ENPP3: variants seen among roughly 807,000 people sequenced by gnomAD.
ENPP3 encodes ectonucleotide pyrophosphatase/phosphodiesterase 3.
In ENPP3, 104 loss-of-function variants were observed where a neutral mutation model predicts 117.8. The observed-to-expected ratio is 0.88, with a 90% CI of 0.75 to 1.04. The LOEUF is 1.04. Among genes scored for constraint, ENPP3 ranks in the 50% least tolerant of loss-of-function variants. ENPP3 has a pLI of 0.00. For synonymous variants in ENPP3, 380 were observed against 349.9 expected (o/e 1.09, Z -0.96); for missense variants, 1,026 against 1,051.9 (o/e 0.98, Z 0.34).
intron 6 of ENPP3, among the ~76,000 whole-genome samples, chr6:131,660,731 T>G (rs1384595000): frequency 6.6e-6 from 1 of 152,228 alleles, no homozygotes; most frequent in African/African-American, 2.4e-5. Flanking sequence ...TTAAATTTTG[T>G]TAAGAATGCA....
At chr6:131,679,067 T>C (rs189634786) in intron 11 of ENPP3, among the ~76,000 whole-genome samples, 1 of 135,494 alleles carries the variant, frequency 7.4e-6, no homozygotes, top group Admixed American at 7.8e-5. Flanking sequence ...CTTTCTTTCT[T>C]TCTTTCTTTC....
At position 131,637,923 on chromosome 6, in the gene ENPP3, C is replaced by G. The variant is rs961601674; in HGVS notation, c.78+461C>G. Among the ~76,000 whole-genome samples the G allele has an allele frequency of 1.3e-5, 2 of 151,462 alleles. 1 individual carries two copies. Among genetic ancestry groups the G allele is most frequent in the Admixed American group, 1.3e-4 (2 of 15,174 alleles). The stretch of plus-strand genomic sequence containing the variant: ...TTTCATGTGGTAAGATCTGCCACCC[C>G]CCCTCACCCCCCAAATAAATTTTCC... On this transcript the variant is annotated intron_variant, in intron 1 of 24. Coordinates refer to ENST00000357639, the MANE Select transcript of ENPP3 (RefSeq NM_005021.5).
At chr6:131,731,773 A>G (rs958523067) in intron 20 of ENPP3, among the ~76,000 whole-genome samples, 2 of 152,212 alleles carry the variant, frequency 1.3e-5, no homozygotes, top group African/African-American at 4.8e-5. Context: ...GGTCTACTAA[A>G]TCACGTTATT....
chr6:131,685,640 A>G (rs1397850296), intron 13 of ENPP3, 145 bp downstream of exon 13: 15 of 771,810 alleles, frequency 1.9e-5, no homozygotes, highest in Admixed American at 1.3e-4. Flanking sequence ...GGAAATTCCC[A>G]TGCTTAAGTA....
intron 11 of ENPP3, among the ~76,000 whole-genome samples, chr6:131,681,543 A>T (rs9388913): frequency 1.3e-5 from 2 of 152,320 alleles, no homozygotes; most frequent in East Asian, 3.9e-4. Flanking sequence ...ACATCAGTGA[A>T]ATTTACTTAA....
At chr6:131,729,538 G>T (rs762674710) in intron 20 of ENPP3, among the ~76,000 whole-genome samples, 9 of 152,144 alleles carry the variant, frequency 5.9e-5, no homozygotes, top group Non-Finnish European at 1.3e-4. Context: ...TATTTTATCT[G>T]AGTGTCTGAA....
At chr6:131,638,542 C>T (rs1308359894) in intron 1 of ENPP3, 2 of 422,012 alleles carry the variant, frequency 4.7e-6, no homozygotes, top group Non-Finnish European at 9.2e-6. Flanking sequence ...TAGCTTGGAC[C>T]ACAGGCACAT....
chr6:131,683,934 G>A (rs1779089948), intron 12 of ENPP3, among the ~76,000 whole-genome samples: 1 of 151,942 alleles, frequency 6.6e-6, no homozygotes, highest in Non-Finnish European at 1.5e-5. Context: ...TGTATTTTTA[G>A]TAGCGATGGG....
intron 5 of ENPP3, among the ~76,000 whole-genome samples, chr6:131,655,298 T>C (rs182612965): frequency 4.4e-4 from 67 of 152,370 alleles, no homozygotes; most frequent in African/African-American, 1.5e-3. Context: ...ATTTGTACTT[T>C]ACACAATAGT....
At chr6:131,681,887 T>G (rs1779030189) in intron 11 of ENPP3, among the ~76,000 whole-genome samples, 1 of 152,180 alleles carries the variant, frequency 6.6e-6, no homozygotes, top group Non-Finnish European at 1.5e-5. Flanking sequence ...TCACCCAGAC[T>G]GGAGTGAAGT....
At chr6:131,688,780 G>A (rs976051533) in intron 14 of ENPP3, among the ~76,000 whole-genome samples, 6 of 152,028 alleles carry the variant, frequency 3.9e-5, no homozygotes, top group South Asian at 4.2e-4. Context: ...GGCCAGGTGC[G>A]GTGGCTGACG....
intron 2 of ENPP3, among the ~76,000 whole-genome samples, chr6:131,646,972 CTTTT>C (rs747724228): frequency 7.8e-6 from 1 of 127,630 alleles, no homozygotes. Context: ...CAACCAGCTA[CTTTT>C]TTTTTTTTTT....
intron 21 of ENPP3, among the ~76,000 whole-genome samples, chr6:131,734,779 G>C (rs1182005582): frequency 6.6e-6 from 1 of 151,688 alleles, no homozygotes; most frequent in African/African-American, 2.4e-5. Context: ...GTGCGCACCT[G>C]TAATACCAGC....
At chr6:131,638,796 C>T (rs1242949041) in intron 1 of ENPP3, among the ~76,000 whole-genome samples, 1 of 151,076 alleles carries the variant, frequency 6.6e-6, no homozygotes, top group Non-Finnish European at 1.5e-5. Context: ...CTCTGTCACA[C>T]AATTTCTTTT....
At chr6:131,698,048 G>A (rs947295024) in intron 15 of ENPP3, among the ~76,000 whole-genome samples, 3 of 152,128 alleles carry the variant, frequency 2.0e-5, no homozygotes, top group Non-Finnish European at 4.4e-5. Context: ...GTTCTCATTA[G>A]AACATAGATT....
At position 131,650,009 on chromosome 6, in the gene ENPP3, A is replaced by G. The variant is rs1562427194; in HGVS notation, c.155-18A>G. 3 of 1,613,280 alleles carry G rather than the reference A, an allele frequency of 1.9e-6. No individual in the cohort carries two copies. Among genetic ancestry groups the G allele is most frequent in the Non-Finnish European group, 2.5e-6 (3 of 1,179,672 alleles). On this transcript the variant is annotated intron_variant, in intron 2 of 24. Coordinates refer to ENST00000357639, the MANE Select transcript of ENPP3 (RefSeq NM_005021.5). ...AATAGCTCCTAAATGTTCGGGCCCT[A>G]TTTCCTTTACTTTGTAGGCAGCTGC...
chr6:131,707,010 T>C (rs1472391102), intron 15 of ENPP3, among the ~76,000 whole-genome samples: 1 of 151,700 alleles, frequency 6.6e-6, no homozygotes, highest in Admixed American at 6.6e-5. Flanking sequence ...TGTGTAGAAT[T>C]GGTGTTAACT....
intron 18 of ENPP3, among the ~76,000 whole-genome samples, chr6:131,723,719 C>A (rs185559964): frequency 7.9e-4 from 120 of 152,162 alleles, no homozygotes; most frequent in South Asian, 7.3e-3. Flanking sequence ...TTAAGGAGCA[C>A]TGGGATGTTG....
intron 6 of ENPP3, among the ~76,000 whole-genome samples, chr6:131,665,623 T>C (rs1442648308): frequency 6.6e-6 from 1 of 152,126 alleles, no homozygotes; most frequent in Non-Finnish European, 1.5e-5. Context: ...GAGTTTTCTC[T>C]CTTTTTCTTG....
Sources: allele counts gnomAD v4.1 joint callset (sites outside exome capture counted in the v4.1 genomes callset), GRCh38; gene constraint gnomAD v4.1.1; transcripts MANE v1.5; gene names NCBI Gene and HGNC (gene_info 2026-07-23, HGNC 2026-07-21).